Variants in PYGL observed in about 807,000 individuals in gnomAD.
The protein encoded by PYGL is glycogen phosphorylase L, also known as glycogen phosphorylase, liver form.
A neutral mutation model predicts 100.1 loss-of-function variants in PYGL; 90 were observed. That is an observed-to-expected ratio of 0.90 (90% CI 0.76 to 1.07). PYGL has a LOEUF of 1.07. Ranked by LOEUF, PYGL falls within the 50% of genes least tolerant of loss-of-function variation. The probability of loss-of-function intolerance (pLI) is 0.00; values close to 1 mark genes in which losing one functional copy is unlikely to be tolerated. For synonymous variants in PYGL, 373 were observed against 393.0 expected, an observed-to-expected ratio of 0.95 and a Z score of 0.60; for missense variants, 1,016 against 1,057.6, an observed-to-expected ratio of 0.96 and a Z score of 0.55.
At chr14:50,942,390 A>C (rs1374044789) in intron 1 of PYGL, among the ~76,000 whole-genome samples, 1 of 140,356 alleles carries the variant, frequency 7.1e-6, no homozygotes, top group African/African-American at 2.5e-5. Flanking sequence ...TATGATGCTA[A>C]ATGCTACAGA....
Position 50,920,525 on chromosome 14 carries a change from A to T in PYGL, c.855+16T>A. On this transcript the variant is annotated intron_variant, in intron 7 of 19. Coordinates refer to ENST00000216392, the MANE Select transcript of PYGL (RefSeq NM_002863.5). ...CTGCCTCTGTTGCCACTAAGAAAGC[A>T]ACCTTGATCACTCACATTGTCATTG... 2.5e-6 allele frequency: 4 copies of T among 1,599,382 alleles called. No homozygotes were observed. Among genetic ancestry groups the T allele is most frequent in the Non-Finnish European group, 3.4e-6 (4 of 1,166,654 alleles).
At chr14:50,929,095 G>T (rs2050580841) in intron 4 of PYGL, among the ~76,000 whole-genome samples, 1 of 151,940 alleles carries the variant, frequency 6.6e-6, no homozygotes, top group South Asian at 2.1e-4. Context: ...CACTTGCCCA[G>T]ACTGGTGTGC....
In PYGL at chr14:50,944,418, G is replaced by T; in HGVS notation, c.-15C>A. The T allele has an allele frequency of 6.3e-7, 1 of 1,594,628 alleles. No homozygotes were observed. Reference sequence around the variant, plus strand: ...GGCTTCGCCATGGCTGGGGCGGCGGGCTGCGCGGCGGGCTGCGCAGAGAGC... The same window carrying T: ...GGCTTCGCCATGGCTGGGGCGGCGGTCTGCGCGGCGGGCTGCGCAGAGAGC... On this transcript the variant is annotated 5_prime_UTR_variant, in exon 1 of 20. Coordinates refer to ENST00000216392, the MANE Select transcript of PYGL (RefSeq NM_002863.5).
chr14:50,915,546 C>T, intron 10 of PYGL, 47 bp from the exon 11 acceptor site: 1 of 1,606,244 alleles, frequency 6.2e-7, no homozygotes. Context: ...AGGTTTAATG[C>T]AACATTGGGA....
chr14:50,908,359 AG>A (rs767857834), intron 18 of PYGL, 22 bp from the exon 19 acceptor site: 1 of 1,555,738 alleles, frequency 6.4e-7, no homozygotes. Flanking sequence ...TGAGTGGAAG[AG>A]GAAAAAAACA....
intron 1 of PYGL, among the ~76,000 whole-genome samples, chr14:50,938,563 A>C (rs1045005441): frequency 2.6e-5 from 4 of 152,176 alleles, no homozygotes; most frequent in Admixed American, 2.6e-4. Context: ...AATTTGCCTC[A>C]AATTCTTGTG....
chr14:50,911,313 T>C (rs756163411), intron 16 of PYGL, among the ~76,000 whole-genome samples: 2 of 152,220 alleles, frequency 1.3e-5, no homozygotes, highest in African/African-American at 4.8e-5. Context: ...TTATTATTGA[T>C]ACAAGAGCAA....
At chr14:50,924,391 G>A (rs146131905) in intron 4 of PYGL, among the ~76,000 whole-genome samples, 17 of 152,292 alleles carry the variant, frequency 1.1e-4, no homozygotes, top group East Asian at 9.7e-4. Flanking sequence ...AACAGTAAAC[G>A]ATAGAGATAA....
Position 50,911,326 on chromosome 14 carries a change from G to C in PYGL, c.1969+404C>G, listed in dbSNP as rs567605373. Among the ~76,000 whole-genome samples, 10 of 152,334 alleles carry C rather than the reference G, an allele frequency of 6.6e-5. No homozygotes were observed. In the East Asian group the frequency reaches 1.2e-3, roughly 18 times the overall value. ...ATTTATTATTGATACAAGAGCAAGT[G>C]ACAGCCCTTCTTCTCACAGGGTGAC... On this transcript the variant is annotated intron_variant, in intron 16 of 19. Coordinates refer to ENST00000216392, the MANE Select transcript of PYGL (RefSeq NM_002863.5).
chr14:50,911,371 T>G (rs72685342), intron 16 of PYGL, among the ~76,000 whole-genome samples: 1 of 152,178 alleles, frequency 6.6e-6, no homozygotes, highest in Non-Finnish European at 1.5e-5. Flanking sequence ...ATCTGAAGAC[T>G]GGGGATTTGG....
In PYGL at chr14:50,927,540, AG is replaced by A. The variant is rs546140626; in HGVS notation, c.529-3441del. Among the ~76,000 whole-genome samples the A allele has an allele frequency of 9.3e-4, 141 of 152,188 alleles. 2 individuals are homozygous for A. In the South Asian group the frequency reaches 0.016, roughly 17 times the overall value. ...ACGATAAGCCACATTTGCTCTTTTG[AG>A]GGTACACTCTTACATGAGATTCTTA... On this transcript the variant is annotated intron_variant, in intron 4 of 19. Coordinates refer to ENST00000216392, the MANE Select transcript of PYGL (RefSeq NM_002863.5).
chr14:50,921,342 C>G (rs2050499985), intron 5 of PYGL: 1 of 434,880 alleles, frequency 2.3e-6, no homozygotes, highest in East Asian at 4.2e-5. Flanking sequence ...TGCCCTTGCC[C>G]TGATATAAAT....
At chr14:50,916,913 A>C (rs772600094) in intron 8 of PYGL, 49 bp downstream of exon 8, 1 of 1,598,530 alleles carries the variant, frequency 6.3e-7, no homozygotes. Flanking sequence ...AGGAAATCCC[A>C]GTCAATCCCT....
At chr14:50,912,657 A>T (rs1484183183) in intron 13 of PYGL, among the ~76,000 whole-genome samples, 2 of 152,120 alleles carry the variant, frequency 1.3e-5, no homozygotes, top group Admixed American at 1.3e-4. Flanking sequence ...GTCTGTTTTT[A>T]AAAACTACAG....
intron 7 of PYGL, 85 bp downstream of exon 7, chr14:50,920,456 T>C: frequency 7.8e-7 from 1 of 1,280,696 alleles, no homozygotes; most frequent in South Asian, 1.2e-5. Flanking sequence ...ACATCAATAT[T>C]AAATGTGTTT....
intron 12 of PYGL, among the ~76,000 whole-genome samples, chr14:50,914,134 G>A (rs2050424417): frequency 6.6e-6 from 1 of 152,214 alleles, no homozygotes; most frequent in Non-Finnish European, 1.5e-5. Flanking sequence ...CTATGTGAGT[G>A]TCCTATGAAT....
At position 50,905,238 on chromosome 14, in the gene PYGL, TTATTTTTAAGCTC is replaced by T; in HGVS notation, c.*141_*153del. The T allele has an allele frequency of 1.3e-6, 1 of 784,178 alleles. No individual in the cohort carries two copies. The highest frequency in any genetic ancestry group is 2.0e-6 in the Non-Finnish European group (1 of 494,246). 48.6% of individuals were successfully genotyped at this position (784,178 alleles called of 1,614,324 possible). A position where few individuals can be genotyped will look rare whatever the true frequency, so the allele number is the denominator to read the frequency against. Reference sequence around the variant, plus strand: ...CATGTAGCCCTTGGAAATTGACACTTTATTTTTAAGCTCTATTACATATAATTTCCCTCCCCAT... The same window carrying T: ...CATGTAGCCCTTGGAAATTGACACTTTATTACATATAATTTCCCTCCCCAT... On this transcript the variant is annotated 3_prime_UTR_variant, in exon 20 of 20. Coordinates refer to ENST00000216392, the MANE Select transcript of PYGL (RefSeq NM_002863.5).
At chr14:50,932,942 C>T (rs1427392839) in intron 3 of PYGL, among the ~76,000 whole-genome samples, 2 of 152,200 alleles carry the variant, frequency 1.3e-5, no homozygotes, top group African/African-American at 4.8e-5. Flanking sequence ...TTTCTTACAT[C>T]GCCAATCCCT....
chr14:50,926,149 G>C (rs968811794), intron 4 of PYGL, among the ~76,000 whole-genome samples: 1 of 152,106 alleles, frequency 6.6e-6, no homozygotes, highest in African/African-American at 2.4e-5. Flanking sequence ...CCAGGAGTTT[G>C]AGAGCAGCCT....
Sources: allele counts gnomAD v4.1 joint callset (sites outside exome capture counted in the v4.1 genomes callset), GRCh38; gene constraint gnomAD v4.1.1; transcripts MANE v1.5; gene names NCBI Gene and HGNC (gene_info 2026-07-23, HGNC 2026-07-21).